The following KIF1C variants were observed in gnomAD, a reference collection of about 807,000 sequenced individuals.
KIF1C encodes kinesin family member 1C, also known as kinesin-like protein KIF1C.
In KIF1C, 61 loss-of-function variants were observed where a neutral mutation model predicts 126.5. The observed-to-expected ratio is 0.48, with a 90% CI of 0.39 to 0.60. KIF1C has a LOEUF of 0.60. Among genes scored for constraint, KIF1C ranks in the 20% least tolerant of loss-of-function variants. The probability of loss-of-function intolerance (pLI) is 0.00; values close to 1 mark genes in which losing one functional copy is unlikely to be tolerated. For missense variants in KIF1C, 1,315 were observed against 1,489.2 expected, an observed-to-expected ratio of 0.88 and a Z score of 1.93; for synonymous variants, 640 against 580.6, an observed-to-expected ratio of 1.10 and a Z score of -1.47.
At position 5,022,407 on chromosome 17, in the gene KIF1C, G is replaced by A. The variant is rs117621046; in HGVS notation, c.2326G>A (p.Ala776Thr). ...HGRAEIEALA[A>T]LKMRELCRTY... ...GCGGGCTGAGATTGAGGCCCTGGCC[G>A]CCCTCAAGATGCGGGAGCTGTGTCG... Residue 776 changes from alanine to threonine, a missense_variant, in exon 22 of 23, where the codon GCC becomes ACC. Physicochemically the swap from Ala to Thr is moderately conservative, Grantham distance 58. Coordinates refer to ENST00000320785, the MANE Select transcript of KIF1C (RefSeq NM_006612.6). The surrounding 1 kb of genome is among the most constrained non-coding windows in gnomAD (Gnocchi z 4.9). 5 of 1,579,108 alleles carry A rather than the reference G, an allele frequency of 3.2e-6. No homozygotes were observed. The highest frequency in any genetic ancestry group is 2.3e-5 in the East Asian group (1 of 43,000).
chr17:5,009,696 TAGAATGACATGA>T, intron 16 of KIF1C, among the ~76,000 whole-genome samples: 1 of 148,376 alleles, frequency 6.7e-6, no homozygotes, highest in East Asian at 2.1e-4. Context: ...GCTGAGGCAG[TAGAATGACATGA>T]ACCCGGGAGG....
chr17:5,007,684 C>T (rs1394907858), intron 16 of KIF1C, 142 bp downstream of exon 16: 2 of 567,148 alleles, frequency 3.5e-6, no homozygotes, highest in African/African-American at 1.9e-5. Flanking sequence ...CTGTCCCCTC[C>T]CCTGCCACCT....
intron 18 of KIF1C, among the ~76,000 whole-genome samples, chr17:5,016,500 C>T (rs1176244599): frequency 6.6e-6 from 1 of 151,880 alleles, no homozygotes; most frequent in African/African-American, 2.4e-5. Context: ...ATCCACCTGC[C>T]TCGGCCTCCC....
intron 1 of KIF1C, among the ~76,000 whole-genome samples, chr17:4,999,425 T>C (rs1050470356): frequency 1.3e-5 from 2 of 152,136 alleles, no homozygotes; most frequent in African/African-American, 4.8e-5. Flanking sequence ...TTTAACACCG[T>C]GTGTTTGCTG....
rs1469382790 is a variant in KIF1C at position 5,023,100 on chromosome 17, C to G, written c.2629-368C>G. Among the ~76,000 whole-genome samples the G allele has an allele frequency of 6.6e-6, 1 of 152,138 alleles. No individual in the cohort carries two copies. Among genetic ancestry groups the G allele is most frequent in the Admixed American group, 6.6e-5 (1 of 15,266 alleles). On this transcript the variant is annotated intron_variant, in intron 22 of 22. Coordinates refer to ENST00000320785, the MANE Select transcript of KIF1C (RefSeq NM_006612.6). This position sits in a 1 kb window ranked among gnomAD's most constrained non-coding sequence, Gnocchi z 4.2. ...CACAATCTCGGCTCACTGCAACTTC[C>G]GCCTCCCAGGTTCAAGCCATTCTCC...
intron 8 of KIF1C, 33 bp from the exon 9 acceptor site, chr17:5,003,579 A>ACC: frequency 6.5e-7 from 1 of 1,538,396 alleles, no homozygotes. Flanking sequence ...CCCCACCCGC[A>ACC]CCTTATCTCC....
intron 18 of KIF1C, among the ~76,000 whole-genome samples, chr17:5,015,175 T>C (rs1471449078): frequency 2.0e-5 from 3 of 152,252 alleles, no homozygotes; most frequent in Admixed American, 1.3e-4. Context: ...ACTAGCACTC[T>C]GATCCTTTTT....
rs1395009519 is a variant in KIF1C, at chr17:5,020,431, T to G, written c.1751-61T>G. ...TGTGCCAGATTCTCTATGCCTTGGG[T>G]GTAGGGATGGATTTGGTGCTGATGG... On this transcript the variant is annotated intron_variant, in intron 19 of 22. Coordinates refer to ENST00000320785, the MANE Select transcript of KIF1C (RefSeq NM_006612.6). This position sits in a 1 kb window ranked among gnomAD's most constrained non-coding sequence, Gnocchi z 5.8. 3 of 1,487,798 alleles carry G rather than the reference T, an allele frequency of 2.0e-6. No homozygotes were observed. Among genetic ancestry groups the G allele is most frequent in the Non-Finnish European group, 2.8e-6 (3 of 1,090,794 alleles). The allele number at this position is 1,487,798 out of a possible 1,614,324, so 92.2% of individuals were successfully genotyped here.
Position 5,004,992 on chromosome 17 carries a change from C to T in KIF1C, c.1157C>T (p.Ala386Val). The T allele has an allele frequency of 2.5e-6, 4 of 1,614,220 alleles. No individual in the cohort carries two copies. The highest frequency in any genetic ancestry group is 3.4e-6 in the Non-Finnish European group (4 of 1,180,020). ...ATGGCTCAGGGACTGTCAGCCTCTG[C>T]TCTGGAAGGTCGAGGTTCCAGGGAG... ...LLMAQGLSAS[A>V]LEGLKTEEGS... Residue 386 changes from alanine to valine, a missense_variant, in exon 13 of 23, where the codon GCT becomes GTT. Physicochemically the swap from Ala to Val is moderately conservative, Grantham distance 64. This residue lies in a region of KIF1C where 874 missense variants were observed against 1,053.2 expected (regional missense o/e 0.83). Coordinates refer to ENST00000320785, the MANE Select transcript of KIF1C (RefSeq NM_006612.6).
chr17:5,019,831 C>T (rs1324864791), intron 18 of KIF1C, 165 bp from the exon 19 acceptor site: 12 of 626,574 alleles, frequency 1.9e-5, no homozygotes, highest in East Asian at 5.5e-5. Context: ...CTTCCTTTCC[C>T]GTGCTGCCTG....
intron 18 of KIF1C, 140 bp from the exon 19 acceptor site, chr17:5,019,856 A>G: frequency 4.6e-6 from 3 of 654,882 alleles, no homozygotes; most frequent in Non-Finnish European, 8.4e-6. Context: ...CAGAGGGGCC[A>G]TGGCACCCCC....
chr17:5,013,279 A>C (rs1250698501), intron 16 of KIF1C, among the ~76,000 whole-genome samples: 1 of 152,004 alleles, frequency 6.6e-6, no homozygotes, highest in Non-Finnish European at 1.5e-5. Context: ...GGAAGAAGAG[A>C]ATGCAGGGGG....
At chr17:5,006,885 C>A in intron 13 of KIF1C, 30 bp from the exon 14 acceptor site, 1 of 1,610,454 alleles carries the variant, frequency 6.2e-7, no homozygotes, top group Non-Finnish European at 8.5e-7. Context: ...TTTCCTTAGC[C>A]TCATTCTTTT....
Position 5,000,757 on chromosome 17 carries a change from T to C in KIF1C, c.107-15T>C, listed in dbSNP as rs1359123038. On this transcript the variant is annotated splice_polypyrimidine_tract_variant and intron_variant, in intron 3 of 22. Coordinates refer to ENST00000320785, the MANE Select transcript of KIF1C (RefSeq NM_006612.6). ...GACCTTGACTTTCCTTCCTTTACCCTCTCCTGCCCCTCAGCCATCATCAAT... is the reference window on the plus strand; with the variant it reads ...GACCTTGACTTTCCTTCCTTTACCCCCTCCTGCCCCTCAGCCATCATCAAT... 3.7e-6 allele frequency: 6 copies of C among 1,613,270 alleles called. No individual in the cohort carries two copies. The highest frequency in any genetic ancestry group is 5.1e-6 in the Non-Finnish European group (6 of 1,179,466).
chr17:5,026,304 C>T lies in KIF1C; in HGVS notation c.*2153C>T, dbSNP rs559803366. 1 of 152,218 alleles carries T rather than the reference C, an allele frequency of 6.6e-6. No homozygotes were observed. The highest frequency in any genetic ancestry group is 2.1e-4 in the South Asian group (1 of 4,816). 9.4% of individuals were successfully genotyped at this position (152,218 alleles called of 1,614,324 possible). On this transcript the variant is annotated 3_prime_UTR_variant, in exon 23 of 23. Transcript: ENST00000320785. Reference sequence around the variant, plus strand: ...TGTGAGCAAGAAAATGATAGAATACCAAGTTTTCTGGAGGTCAGAGGGAGC... The same window carrying T: ...TGTGAGCAAGAAAATGATAGAATACTAAGTTTTCTGGAGGTCAGAGGGAGC...
Position 5,002,591 on chromosome 17 carries a change from T to C in KIF1C, c.557T>C (p.Val186Ala), listed in dbSNP as rs776654657. ...PYVQDLSKLA[V>A]TSYADIADLM... ...GTGCAGGACCTGTCCAAATTGGCTG[T>C]GACCTCCTACGCAGACATTGCTGAC... Residue 186 changes from valine (V) to alanine (A), a missense_variant, in exon 7 of 23, where the codon GTG becomes GCG. Coordinates refer to ENST00000320785, the MANE Select transcript of KIF1C (RefSeq NM_006612.6). The C allele has an allele frequency of 6.2e-7, 1 of 1,614,000 alleles. No individual in the cohort carries two copies. Among genetic ancestry groups the C allele is most frequent in the Non-Finnish European group, 8.5e-7 (1 of 1,179,894 alleles).
rs539082919 is a variant in KIF1C, at chr17:5,022,566, G to A, written c.2485G>A (p.Glu829Lys). ...CAGTGAGGAGGGAGCCCGAGGGGCGGAGGTGGAGGACCTCCGGGCCCACAT... is the reference window on the plus strand; with the variant it reads ...CAGTGAGGAGGGAGCCCGAGGGGCGAAGGTGGAGGACCTCCGGGCCCACAT... ...GGSEEGARGA[E>K]VEDLRAHIDK... Residue 829 changes from glutamate to lysine, a missense_variant, in exon 22 of 23, where the codon GAG (glutamate) becomes AAG (lysine). Physicochemically the swap from Glu to Lys is moderately conservative, Grantham distance 56. Coordinates refer to ENST00000320785, the MANE Select transcript of KIF1C (RefSeq NM_006612.6). The surrounding 1 kb of genome is among the most constrained non-coding windows in gnomAD (Gnocchi z 4.9). 3.1e-6 allele frequency: 5 copies of A among 1,596,668 alleles called. No homozygotes were observed. In the Admixed American group the frequency reaches 8.8e-5, roughly 28 times the overall value.
chr17:5,002,864 C>A (rs769472983), intron 8 of KIF1C, 22 bp downstream of exon 8: 4 of 1,499,006 alleles, frequency 2.7e-6, no homozygotes, highest in African/African-American at 1.8e-5. Flanking sequence ...CCCCCCCCCA[C>A]TCCCCCACCG....
chr17:5,011,378 C>T (rs1219483062), intron 16 of KIF1C, among the ~76,000 whole-genome samples: 1 of 152,190 alleles, frequency 6.6e-6, no homozygotes, highest in African/African-American at 2.4e-5. Flanking sequence ...GCTGCCTTCT[C>T]AGGGGCTGAG....
Sources: gnomAD v4.1 joint callset for allele counts (sites outside exome capture counted in the v4.1 genomes callset) on GRCh38, gnomAD v4.1.1 for gene constraint, gnomAD v4.1.1 regional missense constraint, Gnocchi (gnomAD v3.1) non-coding constraint, MANE v1.5 for transcripts, NCBI Gene and HGNC (gene_info 2026-07-23, HGNC 2026-07-21) for gene names.